COMTD1: variants seen among roughly 807,000 people sequenced by gnomAD.
COMTD1 encodes the protein catechol-O-methyltransferase domain containing 1.
Under a neutral mutation model 33.6 loss-of-function variants are expected in COMTD1, and 35 were observed. That is an observed-to-expected ratio of 1.04 (90% confidence interval 0.80 to 1.38). The LOEUF (loss-of-function observed/expected upper bound fraction) is 1.38, where lower values mean the gene tolerates loss of function less well. Ranked by LOEUF, COMTD1 falls within the 40% of genes most tolerant of loss-of-function variation. The pLI is 0.00. For missense variants in COMTD1, 370 were observed against 363.4 expected (o/e 1.02, Z -0.15); for synonymous variants, 160 against 176.8 (o/e 0.91, Z 0.75).
intron 1 of COMTD1, 38 bp downstream of exon 1, chr10:75,235,797 G>GGGGGGCCCCC: frequency 4.5e-6 from 7 of 1,538,620 alleles, no homozygotes; most frequent in Non-Finnish European, 5.3e-6. Flanking sequence ...CCTACTCTGC[G>GGGGGGCCCCC]CCCGCCCACC....
chr10:75,235,129 C>T lies in COMTD1; in HGVS notation c.378G>A (p.Ala126=), dbSNP rs534217498. The T allele has an allele frequency of 1.1e-5, 16 of 1,401,444 alleles. No individual in the cohort carries two copies. The highest frequency in any genetic ancestry group is 1.2e-5 in the Non-Finnish European group (13 of 1,084,762). 86.8% of individuals were successfully genotyped at this position (1,401,444 alleles called of 1,614,324 possible). A position where few individuals can be genotyped will look rare whatever the true frequency, so the allele number is the denominator to read the frequency against. ...SALALALALP[A]DGRVVTCEVD... ...CCTCGCAGGTCACCACGCGCCCGTC[C>T]GCGGGCAGCGCCAGGGCCAGGGCCA... The change falls in exon 4 of 7, where the codon GCG becomes GCA. Residue 126 remains alanine (A), a synonymous_variant. Transcript: ENST00000372538.
chr10:75,235,797 G>GGGGGCCCC, intron 1 of COMTD1, 38 bp downstream of exon 1: 2 of 1,538,620 alleles, frequency 1.3e-6, no homozygotes, highest in Non-Finnish European at 1.8e-6. Context: ...CCTACTCTGC[G>GGGGGCCCC]CCCGCCCACC....
chr10:75,235,652 GGA>G lies in COMTD1; in HGVS notation c.184_185del (p.Ser62HisfsTer238). The G allele has an allele frequency of 6.3e-7, 1 of 1,596,782 alleles. No homozygotes were observed. The highest frequency in any genetic ancestry group is 8.5e-7 in the Non-Finnish European group (1 of 1,173,286). On this transcript the variant is annotated frameshift_variant, in exon 2 of 7. Coordinates refer to ENST00000372538, the MANE Select transcript of COMTD1 (RefSeq NM_144589.4). LOFTEE classifies it high-confidence loss of function. ...SRLWQYLLSR[S>X]MREHPALRSL... ...TTCGCAGCGCCGGGTGCTCCCGCATGGAGCGGCTCAGAAGATACTGCCACAGG... is the reference window on the plus strand; with the variant it reads ...TTCGCAGCGCCGGGTGCTCCCGCATGGCGGCTCAGAAGATACTGCCACAGG...
chr10:75,234,239 G>A lies in COMTD1; in HGVS notation c.637-14C>T. The A allele has an allele frequency of 2.5e-6, 4 of 1,601,242 alleles. No individual in the cohort carries two copies. The highest frequency in any genetic ancestry group is 3.4e-6 in the Non-Finnish European group (4 of 1,175,452). ...GCGCCACAGGACCTGCGGGAGGGCG[G>A]GGCCAACCGGGCCGTGGGAGGCGGG... On this transcript the variant is annotated splice_polypyrimidine_tract_variant and intron_variant, in intron 6 of 6. Coordinates refer to ENST00000372538, the MANE Select transcript of COMTD1 (RefSeq NM_144589.4).
chr10:75,234,787 CG>C, intron 5 of COMTD1, 44 bp from the exon 6 acceptor site: 1 of 1,543,530 alleles, frequency 6.5e-7, no homozygotes. Flanking sequence ...TCCGCGGCCC[CG>C]GCGGCCCTGA....
chr10:75,234,613 G>T lies in COMTD1; in HGVS notation c.633C>A (p.Leu211=). ...TCCCCCGCAGTGGATCCCTTACTCT[G>T]AGGACGGCGAGGATGCCTCCGGGTC... ...LLRPGGILAV[L]RVLWRGKVLQ... is the part of the protein sequence containing the mutation. Residue 211 remains leucine, a synonymous_variant, in exon 6 of 7, where the codon CTC becomes CTA. Transcript: ENST00000372538. 6.4e-7 allele frequency: 1 copy of T among 1,561,462 alleles called. No individual in the cohort carries two copies. The highest frequency in any genetic ancestry group is 1.4e-5 in the African/African-American group (1 of 73,468).
In COMTD1 at chr10:75,234,992, C is replaced by T. The variant is rs1282953593; in HGVS notation, c.448G>A (p.Ala150Thr). ...PELGRPLWRQAEAEHKIDLRL... is the reference protein window; with the variant it reads ...PELGRPLWRQTEAEHKIDLRL... ...AGGTCGATCTTGTGCTCCGCCTCGGCCTGCGGAGGGAGCGGGTCAGCCGTT... is the reference window on the plus strand; with the variant it reads ...AGGTCGATCTTGTGCTCCGCCTCGGTCTGCGGAGGGAGCGGGTCAGCCGTT... Residue 150 changes from alanine to threonine, a missense_variant and splice_region_variant, in exon 5 of 7, where the codon GCC becomes ACC. Coordinates refer to ENST00000372538, the MANE Select transcript of COMTD1 (RefSeq NM_144589.4). 2.6e-6 allele frequency: 4 copies of T among 1,512,836 alleles called. No homozygotes were observed. The highest frequency in any genetic ancestry group is 1.3e-5 in the South Asian group (1 of 79,512). The allele number at this position is 1,512,836 out of a possible 1,614,324, so 93.7% of individuals were successfully genotyped here.
Position 75,235,147 on chromosome 10 carries a change from C to CAGGGCCAGGGCG in COMTD1, c.348_359dup (p.Ala121_Leu124dup). 2 of 1,402,762 alleles carry CAGGGCCAGGGCG rather than the reference C, an allele frequency of 1.4e-6. No homozygotes were observed. Among genetic ancestry groups the CAGGGCCAGGGCG allele is most frequent in the Non-Finnish European group, 1.8e-6 (2 of 1,085,658 alleles). The allele number at this position is 1,402,762 out of a possible 1,614,324, so 86.9% of individuals were successfully genotyped here. On this transcript the variant is annotated inframe_insertion, in exon 4 of 7. Coordinates refer to ENST00000372538, the MANE Select transcript of COMTD1 (RefSeq NM_144589.4). The stretch of plus-strand genomic sequence containing the variant: ...GCCCGTCCGCGGGCAGCGCCAGGGC[C>CAGGGCCAGGGCG]AGGGCCAGGGCGGAGTAGCCCGTGA...
At position 75,234,838 on chromosome 10, in the gene COMTD1, C is replaced by A. The variant is rs570347290; in HGVS notation, c.503-95G>T. 2.3e-4 allele frequency: 353 copies of A among 1,530,506 alleles called. 1 individual carries two copies. The highest frequency in any genetic ancestry group is 2.5e-4 in the Non-Finnish European group (284 of 1,140,818). The allele number at this position is 1,530,506 out of a possible 1,614,324, so 94.8% of individuals were successfully genotyped here. A position where few individuals can be genotyped will look rare whatever the true frequency, so the allele number is the denominator to read the frequency against. ...CGGCCCGGGCTCTGTGACAACCGGC[C>A]CTGCCCTTAACCTGCCCGGCAGGCC... On this transcript the variant is annotated intron_variant, in intron 5 of 6. Transcript: ENST00000372538.
In COMTD1 at chr10:75,234,930, G is replaced by T; in HGVS notation, c.502+8C>A. 6.5e-7 allele frequency: 1 copy of T among 1,533,650 alleles called. No individual in the cohort carries two copies. Among genetic ancestry groups the T allele is most frequent in the Admixed American group, 2.1e-5 (1 of 48,002 alleles). The stretch of plus-strand genomic sequence containing the variant: ...TGGCTTCAAAGCCCTTCCCGCTTCG[G>T]TGCTCACCCAGGGTCTCCAAGGCGG... On this transcript the variant is annotated splice_region_variant and intron_variant, in intron 5 of 6. Coordinates refer to ENST00000372538, the MANE Select transcript of COMTD1 (RefSeq NM_144589.4).
chr10:75,234,880 A>G, intron 5 of COMTD1, 58 bp downstream of exon 5: 1 of 1,534,038 alleles, frequency 6.5e-7, no homozygotes, highest in Non-Finnish European at 8.8e-7. Context: ...CAGCTCGGCC[A>G]CACAGCAGCC....
chr10:75,234,821 G>T, intron 5 of COMTD1, 78 bp from the exon 6 acceptor site: 4 of 1,528,566 alleles, frequency 2.6e-6, no homozygotes, highest in Non-Finnish European at 3.5e-6. Flanking sequence ...GCCGGCCCGG[G>T]CTCTGTGACA....
chr10:75,234,026 G>A lies in COMTD1; in HGVS notation c.*47C>T. 6.2e-7 allele frequency: 1 copy of A among 1,613,394 alleles called. No individual in the cohort carries two copies. Among genetic ancestry groups the A allele is most frequent in the Non-Finnish European group, 8.5e-7 (1 of 1,179,964 alleles). On this transcript the variant is annotated 3_prime_UTR_variant, in exon 7 of 7. Transcript: ENST00000372538. ...ATTTAAAACTCAGGGTCAATTCCTG[G>A]GGTTCCCAGGCAACCCTCCCTCGAG...
Position 75,233,923 on chromosome 10 carries a change from G to GCCTTCCCTC in COMTD1, c.*141_*149dup. 2.0e-6 allele frequency: 3 copies of GCCTTCCCTC among 1,517,862 alleles called. No individual in the cohort carries two copies. The highest frequency in any genetic ancestry group is 1.4e-5 in the African/African-American group (1 of 72,756). The allele number at this position is 1,517,862 out of a possible 1,614,324, so 94.0% of individuals were successfully genotyped here. ...TGAAGGCAGGAGCTGTCTGTGCTGG[G>GCCTTCCCTC]CCTTCCCTCCCTTCCCCATCCAGCG... On this transcript the variant is annotated 3_prime_UTR_variant, in exon 7 of 7. Transcript: ENST00000372538.
At chr10:75,234,252 CG>C in intron 6 of COMTD1, 27 bp from the exon 7 acceptor site, 1 of 1,576,450 alleles carries the variant, frequency 6.3e-7, no homozygotes, top group African/African-American at 1.3e-5. Context: ...CCAACCGGGC[CG>C]TGGGAGGCGG....
Position 75,235,269 on chromosome 10 carries a change from A to G in COMTD1, c.326T>C (p.Leu109Pro), listed in dbSNP as rs61737037. 18 of 1,557,484 alleles carry G rather than the reference A, an allele frequency of 1.2e-5. No homozygotes were observed. The African/African-American group carries it at 1.8e-4, about 15-fold the overall frequency. ...GGATCCCGGCCGCGTGCCCCTACCC[A>G]GGTCCAGCGCCTTCTTGGCCTGGAT... ...RLIQAKKALD[L>P]GTFTGYSALA... Residue 109 changes from leucine (L) to proline (P), a missense_variant and splice_region_variant, in exon 3 of 7, where the codon CTG becomes CCG. Leu to Pro is a moderately conservative substitution (Grantham distance 98). Transcript: ENST00000372538.
chr10:75,233,838 C>G lies in COMTD1; in HGVS notation c.*235G>C. On this transcript the variant is annotated 3_prime_UTR_variant, in exon 7 of 7. Coordinates refer to ENST00000372538, the MANE Select transcript of COMTD1 (RefSeq NM_144589.4). ...ACCTGCCTCCTGCCAGCTGGAGGTT[C>G]CTGCAGTTGGGCCACAGACCTGGCG... is the stretch of plus-strand genomic sequence containing the variant. The G allele has an allele frequency of 9.3e-7, 1 of 1,070,724 alleles. No homozygotes were observed. 66.3% of individuals were successfully genotyped at this position (1,070,724 alleles called of 1,614,324 possible).
chr10:75,234,531 G>A, intron 6 of COMTD1, 79 bp downstream of exon 6: 2 of 1,487,194 alleles, frequency 1.3e-6, no homozygotes, highest in Non-Finnish European at 1.8e-6. Context: ...GGGGCTTTGG[G>A]GTATAAGAGG....
chr10:75,235,199 G>A (rs1842172704), intron 3 of COMTD1, 21 bp from the exon 4 acceptor site: 20 of 1,436,510 alleles, frequency 1.4e-5, no homozygotes, highest in Non-Finnish European at 1.7e-5. Context: ...GACACAGACG[G>A]GCTCAGCCCA....
Sources: gnomAD v4.1 joint callset for allele counts on GRCh38, gnomAD v4.1.1 for gene constraint, MANE v1.5 for transcripts, NCBI Gene and HGNC (gene_info 2026-07-23, HGNC 2026-07-21) for gene names.